The following CLCN7 variants were observed in gnomAD, a reference collection of about 807,000 sequenced individuals.
CLCN7 encodes H(+)/Cl(-) exchange transporter 7.
A neutral mutation model predicts 102.1 loss-of-function variants in CLCN7; 60 were observed. The observed-to-expected ratio is 0.59, with a 90% CI of 0.48 to 0.73. The LOEUF (loss-of-function observed/expected upper bound fraction) is 0.73, where lower values mean the gene tolerates loss of function less well. CLCN7 is among the 30% of genes least tolerant of loss of function. The probability of loss-of-function intolerance (pLI) is 0.00; values close to 1 mark genes in which losing one functional copy is unlikely to be tolerated. For missense variants in CLCN7, 962 were observed against 1,125.7 expected, an observed-to-expected ratio of 0.85 and a Z score of 2.08; for synonymous variants, 560 against 490.5, an observed-to-expected ratio of 1.14 and a Z score of -1.87.
chr16:1,470,878 C>A (rs1401344023), intron 1 of CLCN7, among the ~76,000 whole-genome samples: 1 of 152,160 alleles, frequency 6.6e-6, no homozygotes, highest in Admixed American at 6.5e-5. Flanking sequence ...GTGGAGTGTC[C>A]CAACATGAGT....
intron 11 of CLCN7, 73 bp from the exon 12 acceptor site, chr16:1,455,323 C>T (rs1284789681): frequency 7.2e-6 from 7 of 969,244 alleles, no homozygotes; most frequent in Non-Finnish European, 1.2e-5. Flanking sequence ...CCAGCAGGGA[C>T]CATCGCCCCT....
rs1427445361 is a variant in CLCN7 at position 1,445,960 on chromosome 16, A to G, written c.*671T>C. On this transcript the variant is annotated 3_prime_UTR_variant, in exon 25 of 25. Transcript: ENST00000382745. ...CCTTGGAGGTTTTTCTCAGCTCTCA[A>G]CATCACAGCACAGGGCCCGTGAGTC... is the stretch of plus-strand genomic sequence containing the variant. 9.7e-5 allele frequency: 33 copies of G among 339,878 alleles called. No individual in the cohort carries two copies. In the East Asian group the frequency reaches 1.9e-3, roughly 19 times the overall value. The allele number at this position is 339,878 out of a possible 1,614,324, so 21.1% of individuals were successfully genotyped here. A position where few individuals can be genotyped will look rare whatever the true frequency, so the allele number is the denominator to read the frequency against.
Position 1,454,478 on chromosome 16 carries a change from AG to A in CLCN7, c.1099-14del. On this transcript the variant is annotated splice_polypyrimidine_tract_variant and intron_variant, in intron 12 of 24. Transcript: ENST00000382745. ...TGTAGGCCATTTTCTGTGCAGAGAG[AG>A]GGAGAAGGCAGAGGATGTGAGGGAA... 1 of 1,612,898 alleles carries A rather than the reference AG, an allele frequency of 6.2e-7. No homozygotes were observed.
rs2038830289 is a variant in CLCN7, at chr16:1,456,059, C to G, written c.916+54G>C. On this transcript the variant is annotated intron_variant, in intron 10 of 24. Coordinates refer to ENST00000382745, the MANE Select transcript of CLCN7 (RefSeq NM_001287.6). ...TGGGCCTACAGAGAGGAGACCGTTCCTTCCAACACACAGGGCGAGGGCAAA... is the reference window on the plus strand; with the variant it reads ...TGGGCCTACAGAGAGGAGACCGTTCGTTCCAACACACAGGGCGAGGGCAAA... 3 of 1,415,612 alleles carry G rather than the reference C, an allele frequency of 2.1e-6. No homozygotes were observed. The East Asian group carries it at 7.5e-5, about 35-fold the overall frequency. 87.7% of individuals were successfully genotyped at this position (1,415,612 alleles called of 1,614,324 possible).
Position 1,451,709 on chromosome 16 carries a change from CAA to C in CLCN7, c.1359_1360del (p.Phe453LeufsTer146), listed in dbSNP as rs1322266202. The C allele has an allele frequency of 6.2e-7, 1 of 1,612,530 alleles. No individual in the cohort carries two copies. Among genetic ancestry groups the C allele is most frequent in the Non-Finnish European group, 8.5e-7 (1 of 1,179,824 alleles). ...CATGGAGTTGTACTCGCCATCTGCA[CAA>C]AAGAGCTGTGGGGTCGGGAGAGAGC... On this transcript the variant is annotated frameshift_variant, in exon 16 of 25. Transcript: ENST00000382745. LOFTEE classifies it high-confidence loss of function.
Position 1,474,855 on chromosome 16 carries a change from A to G in CLCN7, c.120T>C (p.Ala40=). 7.0e-7 allele frequency: 1 copy of G among 1,437,234 alleles called. No individual in the cohort carries two copies. Among genetic ancestry groups the G allele is most frequent in the Non-Finnish European group, 9.1e-7 (1 of 1,097,252 alleles). The allele number at this position is 1,437,234 out of a possible 1,614,324, so 89.0% of individuals were successfully genotyped here. A position where few individuals can be genotyped will look rare whatever the true frequency, so the allele number is the denominator to read the frequency against. Residue 40 remains alanine (A), a synonymous_variant, in exon 1 of 25, where the codon GCT becomes GCC. Transcript: ENST00000382745. ...PGGGTPLLNG[A]GPGAARQSPR... is the part of the protein sequence containing the mutation. ...TCACCTGGCGCGCAGCCCCAGGCCC[A>G]GCCCCGTTCAGCAGCGGCGTCCCCC...
At chr16:1,448,512 C>T (rs1236254847) in intron 20 of CLCN7, 28 bp from the exon 21 acceptor site, 5 of 1,605,992 alleles carry the variant, frequency 3.1e-6, no homozygotes, top group Non-Finnish European at 4.2e-6. Flanking sequence ...CCACACATGC[C>T]CGTCACACGC....
At chr16:1,474,299 C>T in intron 1 of CLCN7, 1 of 437,400 alleles carries the variant, frequency 2.3e-6, no homozygotes, top group Non-Finnish European at 4.6e-6. Context: ...CTCCCAAGAT[C>T]ACCTGAAAGT....
rs112711601 is a variant in CLCN7 at position 1,460,518 on chromosome 16, T to C, written c.494A>G (p.Lys165Arg). Residue 165 changes from lysine to arginine, a missense_variant, in exon 6 of 25, where the codon AAG (lysine) becomes AGG (arginine). Coordinates refer to ENST00000382745, the MANE Select transcript of CLCN7 (RefSeq NM_001287.6). ...GGACAGTCCGCCCTTCTCTGTGAAC[T>C]TGTCGATATCTGGGGCTCATCAAGG... is the stretch of plus-strand genomic sequence containing the variant. The part of the protein sequence containing the change: ...KYRVIKGNID[K>R]FTEKGGLSFS... 5.6e-6 allele frequency: 9 copies of C among 1,612,950 alleles called. No homozygotes were observed. The highest frequency in any genetic ancestry group is 5.3e-5 in the African/African-American group (4 of 74,904).
intron 1 of CLCN7, among the ~76,000 whole-genome samples, chr16:1,466,342 G>A (rs909655960): frequency 2.0e-5 from 3 of 152,070 alleles, no homozygotes; most frequent in African/African-American, 7.2e-5. Context: ...TCGGCCTCCC[G>A]CACCAGGTTT....
chr16:1,455,917 C>G (rs987086117), intron 10 of CLCN7, 122 bp from the exon 11 acceptor site: 2 of 1,169,358 alleles, frequency 1.7e-6, no homozygotes, highest in Non-Finnish European at 2.5e-6. Context: ...TGGGGTGGGC[C>G]CCAGCCACAC....
At chr16:1,470,146 G>A (rs2039057464) in intron 1 of CLCN7, among the ~76,000 whole-genome samples, 1 of 152,244 alleles carries the variant, frequency 6.6e-6, no homozygotes, top group South Asian at 2.1e-4. Flanking sequence ...TGCACTCACG[G>A]ATGATTAAAC....
chr16:1,462,529 C>G (rs1366759348), intron 2 of CLCN7, among the ~76,000 whole-genome samples: 1 of 151,648 alleles, frequency 6.6e-6, no homozygotes, highest in African/African-American at 2.4e-5. Flanking sequence ...GTGTGCACCA[C>G]CACGCCTGGC....
In CLCN7 at chr16:1,447,517, T is replaced by C; in HGVS notation, c.2125A>G (p.Lys709Glu). 6.4e-7 allele frequency: 1 copy of C among 1,555,642 alleles called. No individual in the cohort carries two copies. Among genetic ancestry groups the C allele is most frequent in the Non-Finnish European group, 8.7e-7 (1 of 1,149,978 alleles). ...CGCGGGTAGGCGTCTCGGAAGTCCT[T>C]CAGCCTCAGGCGCCGCTGTACCAGG... ...LGLVQRRLRL[K>E]DFRDAYPRFP... The change falls in exon 23 of 25, where the codon AAG becomes GAG. Residue 709 changes from lysine (K) to glutamate (E), a missense_variant. Lys to Glu is a moderately conservative substitution (Grantham distance 56). Coordinates refer to ENST00000382745, the MANE Select transcript of CLCN7 (RefSeq NM_001287.6).
intron 1 of CLCN7, among the ~76,000 whole-genome samples, chr16:1,472,162 T>A (rs531489730): frequency 6.6e-6 from 1 of 152,398 alleles, no homozygotes; most frequent in Non-Finnish European, 1.5e-5. Context: ...TTTTTTAAAT[T>A]GCTTGTAAGC....
intron 10 of CLCN7, 85 bp downstream of exon 10, chr16:1,456,028 G>C: frequency 8.3e-7 from 1 of 1,198,582 alleles, no homozygotes. Flanking sequence ...CACCCTCAGC[G>C]GGCACTGGGC....
chr16:1,451,516 A>AC (rs759568676), intron 16 of CLCN7, 107 bp downstream of exon 16: 37 of 862,708 alleles, frequency 4.3e-5, no homozygotes, highest in Non-Finnish European at 6.9e-5. Flanking sequence ...GCTAGGGATG[A>AC]CCCCCCAGCC....
chr16:1,446,887 C>A, intron 24 of CLCN7, 119 bp downstream of exon 24: 1 of 1,172,656 alleles, frequency 8.5e-7, no homozygotes, highest in Non-Finnish European at 1.2e-6. Context: ...GGGGCATGGG[C>A]CGACTCGGTG....
intron 17 of CLCN7, chr16:1,450,082 A>C: frequency 4.6e-6 from 1 of 215,410 alleles, no homozygotes; most frequent in Non-Finnish European, 9.4e-6. Flanking sequence ...CAGGCAGAGA[A>C]GGAAGGCCTG....
Sources: allele counts gnomAD v4.1 joint callset (sites outside exome capture counted in the v4.1 genomes callset), GRCh38; gene constraint gnomAD v4.1.1; transcripts MANE v1.5; gene names NCBI Gene and HGNC (gene_info 2026-07-23, HGNC 2026-07-21).